STAG2: variants seen among roughly 807,000 people sequenced by gnomAD.
The protein encoded by STAG2 is STAG2 cohesin complex component.
Under a neutral mutation model 108.1 loss-of-function variants are expected in STAG2, and 14 were observed. That is an observed-to-expected ratio of 0.13 (90% CI 0.09 to 0.20). The LOEUF is 0.20. Ranked by LOEUF, STAG2 falls within the 10% of genes least tolerant of loss-of-function variation. STAG2 has a pLI of 1.00. For missense variants in STAG2, 440 were observed against 940.9 expected, an observed-to-expected ratio of 0.47 and a Z score of 6.96; for synonymous variants, 307 against 302.7, an observed-to-expected ratio of 1.01 and a Z score of -0.15.
At chrX:124,065,271 T>C (rs1379817077) in intron 20 of STAG2, among the ~76,000 whole-genome samples, 2 of 112,308 alleles carry the variant, frequency 1.8e-5, no homozygotes, top group Admixed American at 1.9e-4. Flanking sequence ...TAAAAACAAG[T>C]GCTTTTTTGA....
In STAG2 at chrX:124,094,154, T is replaced by C. The variant is rs746825631; in HGVS notation, c.3705+10T>C. 8.4e-7 allele frequency: 1 copy of C among 1,195,362 alleles called. No individual in the cohort carries two copies. Among genetic ancestry groups the C allele is most frequent in the South Asian group, 1.8e-5 (1 of 55,171 alleles). ...CATGGATATAGATTTGGTAAGAAACTTAATGATTTCTGTAAGATTTTCAGT... is the reference window on the plus strand; with the variant it reads ...CATGGATATAGATTTGGTAAGAAACCTAATGATTTCTGTAAGATTTTCAGT... On this transcript the variant is annotated intron_variant, in intron 33 of 34. Transcript: ENST00000371145.
In STAG2 at chrX:124,033,151, G is replaced by C. The variant is rs758367745; in HGVS notation, c.288+2026G>C. ...TTAGAGTGTGGATTCTTTTTCTTGT[G>C]TAATGTTTTAAATTACTGTTTTGAA... is the stretch of plus-strand genomic sequence containing the variant. On this transcript the variant is annotated intron_variant, in intron 5 of 34. Coordinates refer to ENST00000371145, the MANE Select transcript of STAG2 (RefSeq NM_001042750.2). 2.8e-3 allele frequency among the ~76,000 whole-genome samples: 316 copies of C among 111,764 alleles called. 1 individual carries two copies. Among genetic ancestry groups the C allele is most frequent in the Non-Finnish European group, 3.7e-3 (194 of 53,116 alleles).
chrX:124,093,721 G>T (rs1368517759), intron 32 of STAG2, among the ~76,000 whole-genome samples: 7 of 111,125 alleles, frequency 6.3e-5, no homozygotes, highest in African/African-American at 2.3e-4. Context: ...AGGATTTGAG[G>T]TATCTTGTAT....
At chrX:124,055,983 TA>T in intron 13 of STAG2, 144 bp from the exon 14 acceptor site, 1 of 257,259 alleles carries the variant, frequency 3.9e-6, no homozygotes, top group East Asian at 5.5e-5. Context: ...GGTAATTAAA[TA>T]AGCTTGATTT....
chrX:124,101,066 G>A lies in STAG2; in HGVS notation c.*469G>A, dbSNP rs1157840084. On this transcript the variant is annotated 3_prime_UTR_variant, in exon 35 of 35. Coordinates refer to ENST00000371145, the MANE Select transcript of STAG2 (RefSeq NM_001042750.2). ...CCTGAAGAAAGTGTAGGATAGAATT[G>A]TTTTTAGCATTCTAAATTTAAATGC... is the stretch of plus-strand genomic sequence containing the variant. 1 of 150,885 alleles carries A rather than the reference G, an allele frequency of 6.6e-6. No individual in the cohort carries two copies. The highest frequency in any genetic ancestry group is 1.0e-4 in the East Asian group (1 of 9,670). The allele number at this position is 150,885 out of a possible 1,213,427, so 12.4% of individuals were successfully genotyped here. A position where few individuals can be genotyped will look rare whatever the true frequency, so the allele number is the denominator to read the frequency against.
chrX:123,966,867 T>A (rs1264542484), intron 1 of STAG2, among the ~76,000 whole-genome samples: 1 of 111,770 alleles, frequency 8.9e-6, no homozygotes, highest in Non-Finnish European at 1.9e-5. Flanking sequence ...ATATGGTTAT[T>A]GTAGTAAGTC....
At position 124,066,452 on chromosome X, in the gene STAG2, G is replaced by A. The variant is rs2058531954; in HGVS notation, c.2265+16G>A. On this transcript the variant is annotated intron_variant, in intron 23 of 34. Coordinates refer to ENST00000371145, the MANE Select transcript of STAG2 (RefSeq NM_001042750.2). The stretch of plus-strand genomic sequence containing the variant: ...CTCTACAAAGGTTTGTGGTGGTTCA[G>A]TAGTGTTTTTATTAGACTAAATATC... The A allele has an allele frequency of 4.3e-6, 5 of 1,154,093 alleles. No homozygotes were observed. The highest frequency in any genetic ancestry group is 5.9e-6 in the Non-Finnish European group (5 of 848,285).
At chrX:124,087,918 A>G (rs2059146321) in intron 30 of STAG2, among the ~76,000 whole-genome samples, 1 of 112,338 alleles carries the variant, frequency 8.9e-6, no homozygotes, top group African/African-American at 3.2e-5. Context: ...TTATATTTCT[A>G]ACTTGTACAA....
At chrX:123,988,745 C>T (rs1291965176) in intron 1 of STAG2, among the ~76,000 whole-genome samples, 1 of 111,287 alleles carries the variant, frequency 9.0e-6, no homozygotes, top group Non-Finnish European at 1.9e-5. Context: ...ACACAGTGCA[C>T]CATTGATTCT....
intron 1 of STAG2, among the ~76,000 whole-genome samples, chrX:123,974,038 G>A (rs1312132485): frequency 9.1e-6 from 1 of 110,206 alleles, no homozygotes; most frequent in Non-Finnish European, 1.9e-5. Context: ...ATGCAGTTTT[G>A]GCACTGTGTT....
chrX:124,019,977 G>T (rs924645555), intron 1 of STAG2, among the ~76,000 whole-genome samples: 1 of 112,235 alleles, frequency 8.9e-6, no homozygotes, highest in African/African-American at 3.2e-5. Context: ...ACGCACATGC[G>T]CGCATCTATC....
intron 1 of STAG2, among the ~76,000 whole-genome samples, chrX:123,988,010 A>G (rs1167795243): frequency 1.8e-5 from 2 of 112,006 alleles, no homozygotes; most frequent in African/African-American, 6.5e-5. Context: ...ATGTGGACAA[A>G]GGCTGGGAAG....
chrX:124,037,212 T>A (rs1482127995), intron 5 of STAG2, among the ~76,000 whole-genome samples: 2 of 112,050 alleles, frequency 1.8e-5, no homozygotes, highest in African/African-American at 6.5e-5. Flanking sequence ...TTTGAAATTC[T>A]CTCCTTTCTT....
chrX:124,055,744 T>C (rs1302683691), intron 13 of STAG2, among the ~76,000 whole-genome samples: 1 of 111,923 alleles, frequency 8.9e-6, no homozygotes, highest in African/African-American at 3.2e-5. Context: ...GATGTAATGT[T>C]GTGACTTAAT....
At chrX:123,969,760 C>T (rs986538992) in intron 1 of STAG2, among the ~76,000 whole-genome samples, 4 of 109,374 alleles carry the variant, frequency 3.7e-5, no homozygotes, top group Admixed American at 9.9e-5. Context: ...ATTTCCTCGC[C>T]TCAGCCTCCC....
chrX:124,002,070 A>C (rs746525861), intron 1 of STAG2, among the ~76,000 whole-genome samples: 1 of 111,205 alleles, frequency 9.0e-6, no homozygotes, highest in South Asian at 3.8e-4. Context: ...CAAAATAAAC[A>C]CACAAAAACA....
intron 13 of STAG2, among the ~76,000 whole-genome samples, chrX:124,055,182 G>A (rs907963670): frequency 8.9e-6 from 1 of 112,349 alleles, no homozygotes; most frequent in Non-Finnish European, 1.9e-5. Context: ...TAACAATTTA[G>A]TTCTTTTTCT....
At chrX:124,047,957 G>A (rs1351543105) in intron 9 of STAG2, among the ~76,000 whole-genome samples, 1 of 112,281 alleles carries the variant, frequency 8.9e-6, no homozygotes, top group Non-Finnish European at 1.9e-5. Flanking sequence ...ATTCAACTCT[G>A]AATGAGGAAA....
chrX:123,967,256 A>ATTTTTTTT (rs1177101640), intron 1 of STAG2, among the ~76,000 whole-genome samples: 1 of 50,228 alleles, frequency 2.0e-5, no homozygotes. Context: ...TCAATGGTGT[A>ATTTTTTTT]TTTTTTTTTT....
Sources: gnomAD v4.1 joint callset for allele counts (sites outside exome capture counted in the v4.1 genomes callset) on GRCh38, gnomAD v4.1.1 for gene constraint, MANE v1.5 for transcripts, NCBI Gene and HGNC (gene_info 2026-07-23, HGNC 2026-07-21) for gene names.